The following GPR39 variants were observed in gnomAD, a reference collection of about 807,000 sequenced individuals.
GPR39 encodes the protein zinc sensing receptor.
In GPR39, 23 loss-of-function variants were observed where a neutral mutation model predicts 18.4. That is an observed-to-expected ratio of 1.25 (90% CI 0.90 to 1.77). The LOEUF is 1.77. Among genes scored for constraint, GPR39 ranks in the 40% most tolerant of loss-of-function variants. The pLI, the probability that GPR39 is intolerant of heterozygous loss-of-function variation, is 0.00. For synonymous variants in GPR39, 280 were observed against 257.9 expected (o/e 1.09, Z -0.82); for missense variants, 647 against 602.4 (o/e 1.07, Z -0.78).
chr2:132,578,380 A>G lies in GPR39; in HGVS notation c.857-66721A>G, dbSNP rs542039057. On this transcript the variant is annotated intron_variant, in intron 1 of 1. Coordinates refer to ENST00000329321, the MANE Select transcript of GPR39 (RefSeq NM_001508.3). The stretch of plus-strand genomic sequence containing the variant: ...TTGATTTTGGTGTTAGCATAAAACC[A>G]ACAACATAAAATGAACTGGGAAGTA... 2.0e-3 allele frequency among the ~76,000 whole-genome samples: 312 copies of G among 152,246 alleles called. 2 individuals are homozygous for G. Among genetic ancestry groups the G allele is most frequent in the African/African-American group, 7.3e-3 (303 of 41,560 alleles).
At chr2:132,570,347 G>A (rs996183849) in intron 1 of GPR39, among the ~76,000 whole-genome samples, 1 of 151,900 alleles carries the variant, frequency 6.6e-6, no homozygotes, top group South Asian at 2.1e-4. Context: ...AAGTCTCCAC[G>A]TTCACATCCC....
At chr2:132,502,160 G>C (rs1357641964) in intron 1 of GPR39, among the ~76,000 whole-genome samples, 1 of 152,036 alleles carries the variant, frequency 6.6e-6, no homozygotes, top group Non-Finnish European at 1.5e-5. Flanking sequence ...TTGTGTTATT[G>C]TTATATAGGT....
chr2:132,638,494 A>G (rs936423495), intron 1 of GPR39, among the ~76,000 whole-genome samples: 4 of 152,162 alleles, frequency 2.6e-5, no homozygotes, highest in African/African-American at 9.7e-5. Context: ...AAGAATTTGC[A>G]TGTCTAAGAA....
intron 1 of GPR39, among the ~76,000 whole-genome samples, chr2:132,451,731 C>A (rs938687308): frequency 3.9e-5 from 6 of 152,094 alleles, no homozygotes; most frequent in Admixed American, 3.9e-4. Flanking sequence ...CTAATGATAT[C>A]TTTTGACTTC....
At chr2:132,603,861 A>G (rs1411208685) in intron 1 of GPR39, among the ~76,000 whole-genome samples, 1 of 152,198 alleles carries the variant, frequency 6.6e-6, no homozygotes, top group Non-Finnish European at 1.5e-5. Flanking sequence ...GACAGAAAAG[A>G]CACTGTGTTA....
intron 1 of GPR39, among the ~76,000 whole-genome samples, chr2:132,553,291 A>G (rs1680083536): frequency 6.8e-6 from 1 of 146,858 alleles, no homozygotes; most frequent in South Asian, 2.2e-4. Flanking sequence ...CGGATACTGT[A>G]TATATACACA....
At chr2:132,431,223 T>A (rs970598707) in intron 1 of GPR39, among the ~76,000 whole-genome samples, 5 of 152,232 alleles carry the variant, frequency 3.3e-5, no homozygotes, top group Non-Finnish European at 7.3e-5. Flanking sequence ...GATCTCTGGC[T>A]GTGCTTCAGC....
chr2:132,524,116 A>G (rs969647214), intron 1 of GPR39, among the ~76,000 whole-genome samples: 1 of 152,204 alleles, frequency 6.6e-6, no homozygotes, highest in African/African-American at 2.4e-5. Flanking sequence ...AACCACCATT[A>G]TAGGGAAAGC....
chr2:132,461,715 A>G (rs1680834928), intron 1 of GPR39, among the ~76,000 whole-genome samples: 1 of 152,228 alleles, frequency 6.6e-6, no homozygotes, highest in Admixed American at 6.5e-5. Flanking sequence ...TGAGGAGCTT[A>G]ATCATGAAGC....
At chr2:132,521,847 T>C (rs144844406) in intron 1 of GPR39, among the ~76,000 whole-genome samples, 1 of 152,338 alleles carries the variant, frequency 6.6e-6, no homozygotes, top group African/African-American at 2.4e-5. Context: ...CTTCATTCAT[T>C]TGATTGGGTT....
At chr2:132,428,701 A>G (rs1395815157) in intron 1 of GPR39, among the ~76,000 whole-genome samples, 1 of 152,212 alleles carries the variant, frequency 6.6e-6, no homozygotes, top group Non-Finnish European at 1.5e-5. Context: ...ACTGATCTAC[A>G]ACACTTGGGG....
chr2:132,464,755 T>C (rs1404661739), intron 1 of GPR39, among the ~76,000 whole-genome samples: 1 of 152,182 alleles, frequency 6.6e-6, no homozygotes, highest in Non-Finnish European at 1.5e-5. Flanking sequence ...CTGCAATAAA[T>C]TGTAGTCAAG....
chr2:132,583,293 G>A (rs1167044178), intron 1 of GPR39, among the ~76,000 whole-genome samples: 1 of 151,686 alleles, frequency 6.6e-6, no homozygotes, highest in Admixed American at 6.6e-5. Flanking sequence ...ATCCCTTACT[G>A]TGGGTCAAAA....
At chr2:132,450,148 G>A (rs962957603) in intron 1 of GPR39, among the ~76,000 whole-genome samples, 1 of 152,200 alleles carries the variant, frequency 6.6e-6, no homozygotes, top group Non-Finnish European at 1.5e-5. Flanking sequence ...AAGACCTGAC[G>A]TGGCAGCTTC....
Position 132,448,359 on chromosome 2 carries a change from AC to A in GPR39, c.856+30462del, listed in dbSNP as rs532594069. On this transcript the variant is annotated intron_variant, in intron 1 of 1. Coordinates refer to ENST00000329321, the MANE Select transcript of GPR39 (RefSeq NM_001508.3). ...GCAGGAAGTAATTGATGGCTAGAAAACAAAACACAAAAGGCTTTCTCTAACG... is the reference window on the plus strand; with the variant it reads ...GCAGGAAGTAATTGATGGCTAGAAAAAAAACACAAAAGGCTTTCTCTAACG... 2.0e-5 allele frequency among the ~76,000 whole-genome samples: 3 copies of A among 152,340 alleles called. No homozygotes were observed. In the East Asian group the frequency reaches 5.8e-4, roughly 29 times the overall value.
At chr2:132,603,536 A>G (rs913815805) in intron 1 of GPR39, among the ~76,000 whole-genome samples, 1 of 152,214 alleles carries the variant, frequency 6.6e-6, no homozygotes, top group Non-Finnish European at 1.5e-5. Context: ...AGTTCCCTAC[A>G]CAAAGAAATG....
chr2:132,575,847 G>C (rs1475987051), intron 1 of GPR39, among the ~76,000 whole-genome samples: 2 of 152,180 alleles, frequency 1.3e-5, no homozygotes, highest in Non-Finnish European at 2.9e-5. Flanking sequence ...GGCATAAGGA[G>C]ATGGAGCTTT....
intron 1 of GPR39, among the ~76,000 whole-genome samples, chr2:132,593,472 A>G (rs547080550): frequency 4.6e-5 from 7 of 152,330 alleles, no homozygotes; most frequent in African/African-American, 1.7e-4. Flanking sequence ...GAGGCTCAGC[A>G]TGAAAACAAA....
chr2:132,613,062 T>C (rs1022376774), intron 1 of GPR39, among the ~76,000 whole-genome samples: 1 of 152,262 alleles, frequency 6.6e-6, no homozygotes, highest in Non-Finnish European at 1.5e-5. Flanking sequence ...AATGCTATTA[T>C]GAACTGTACC....
Sources: gnomAD v4.1 joint callset for allele counts (sites outside exome capture counted in the v4.1 genomes callset) on GRCh38, gnomAD v4.1.1 for gene constraint, MANE v1.5 for transcripts, NCBI Gene and HGNC (gene_info 2026-07-23, HGNC 2026-07-21) for gene names.